IFTAP: variants seen among roughly 807,000 people sequenced by gnomAD.
The protein encoded by IFTAP is intraflagellar transport-associated protein.
Under a neutral mutation model 19.4 loss-of-function variants are expected in IFTAP, and 19 were observed. That is an observed-to-expected ratio of 0.98 (90% CI 0.68 to 1.44). The LOEUF (loss-of-function observed/expected upper bound fraction) is 1.44. Ranked by LOEUF, IFTAP falls within the 40% of genes most tolerant of loss-of-function variation. The pLI, the probability that IFTAP is intolerant of heterozygous loss-of-function variation, is 0.00. For missense variants in IFTAP, 240 were observed against 253.6 expected (o/e 0.95, Z 0.36); for synonymous variants, 85 against 83.5 (o/e 1.02, Z -0.10).
At chr11:36,635,156 G>A (rs1286236468) in intron 3 of IFTAP, among the ~76,000 whole-genome samples, 1 of 152,142 alleles carries the variant, frequency 6.6e-6, no homozygotes, top group African/African-American at 2.4e-5. Context: ...GACCCAGCCT[G>A]TCTTTTGAAT....
chr11:36,658,906 T>A (rs560150678), intron 5 of IFTAP, 113 bp from the exon 6 acceptor site: 154 of 721,832 alleles, frequency 2.1e-4, no homozygotes, highest in Middle Eastern at 1.6e-3. Flanking sequence ...CAGCTGAGAG[T>A]GCTGAAGTCT....
intron 2 of IFTAP, among the ~76,000 whole-genome samples, chr11:36,626,944 A>C (rs1852537948): frequency 6.6e-6 from 1 of 151,172 alleles, no homozygotes; most frequent in African/African-American, 2.5e-5. Flanking sequence ...AAACACTCCA[A>C]ATGTTTATCA....
chr11:36,652,645 A>G (rs932392239), intron 5 of IFTAP, among the ~76,000 whole-genome samples: 24 of 152,078 alleles, frequency 1.6e-4, no homozygotes, highest in African/African-American at 5.8e-4. Flanking sequence ...TTCAAAGGGA[A>G]CGCTTCCAGT....
At chr11:36,647,594 A>G (rs750103026) in intron 4 of IFTAP, among the ~76,000 whole-genome samples, 1 of 152,130 alleles carries the variant, frequency 6.6e-6, no homozygotes, top group African/African-American at 2.4e-5. Context: ...TATTTTTGAA[A>G]TATTGCCATA....
chr11:36,630,123 G>A (rs1852674434), intron 2 of IFTAP, among the ~76,000 whole-genome samples: 1 of 151,312 alleles, frequency 6.6e-6, no homozygotes, highest in African/African-American at 2.5e-5. Flanking sequence ...ATAGGAAGTG[G>A]CATCTGGCTC....
rs150763515 is a variant in IFTAP at position 36,627,541 on chromosome 11, G to A, written c.137-5743G>A. Reference sequence around the variant, plus strand: ...TTGTGCATAGACTTGTAAGTTTAACGTAGAAAAGGGCTGTGGTGCAAAAAA... The same window carrying A: ...TTGTGCATAGACTTGTAAGTTTAACATAGAAAAGGGCTGTGGTGCAAAAAA... On this transcript the variant is annotated intron_variant, in intron 2 of 5. Coordinates refer to ENST00000334307, the MANE Select transcript of IFTAP (RefSeq NM_138787.4). 2.1e-4 allele frequency among the ~76,000 whole-genome samples: 32 copies of A among 151,304 alleles called. No homozygotes were observed. The East Asian group carries it at 5.8e-3, about 27-fold the overall frequency.
At chr11:36,650,629 T>C (rs1481091694) in intron 5 of IFTAP, among the ~76,000 whole-genome samples, 3 of 151,866 alleles carry the variant, frequency 2.0e-5, no homozygotes, top group Non-Finnish European at 2.9e-5. Context: ...GTTTGTTACA[T>C]ATGTATACAT....
At chr11:36,624,772 G>A (rs111581349) in intron 2 of IFTAP, among the ~76,000 whole-genome samples, 499 of 152,262 alleles carry the variant, frequency 3.3e-3, no homozygotes, top group African/African-American at 0.011. Context: ...ACCATGTGGA[G>A]AAGGTTGGTG....
intron 1 of IFTAP, among the ~76,000 whole-genome samples, chr11:36,607,100 C>T (rs1372459157): frequency 6.6e-6 from 1 of 152,188 alleles, no homozygotes. Flanking sequence ...TCCTCTACAA[C>T]TCTATGCTTT....
At chr11:36,638,152 C>T (rs1027661131) in intron 4 of IFTAP, among the ~76,000 whole-genome samples, 2 of 151,724 alleles carry the variant, frequency 1.3e-5, no homozygotes, top group African/African-American at 4.9e-5. Flanking sequence ...CCCGCCCCAC[C>T]GCCCGCCCGA....
chr11:36,612,562 T>C (rs993338821), intron 2 of IFTAP, among the ~76,000 whole-genome samples: 2 of 152,076 alleles, frequency 1.3e-5, no homozygotes, highest in East Asian at 1.9e-4. Context: ...CTATTTTCCC[T>C]GCTTCTTTCC....
chr11:36,637,885 C>CTT (rs11322653), intron 4 of IFTAP, among the ~76,000 whole-genome samples: 16,519 of 145,712 alleles, frequency 0.11, 1,105 homozygotes, highest in African/African-American at 0.17. Flanking sequence ...TTATGTCAAT[C>CTT]TTTTTTTTTT....
intron 2 of IFTAP, among the ~76,000 whole-genome samples, chr11:36,618,350 G>A (rs1370366148): frequency 2.0e-5 from 3 of 151,950 alleles, no homozygotes; most frequent in African/African-American, 4.8e-5. Context: ...TCTGCCTTCC[G>A]TAGGGCATCG....
At chr11:36,645,895 G>A (rs1426687616) in intron 4 of IFTAP, among the ~76,000 whole-genome samples, 1 of 152,126 alleles carries the variant, frequency 6.6e-6, no homozygotes, top group African/African-American at 2.4e-5. Context: ...AAAAGTTGAG[G>A]TGTACAAAAT....
chr11:36,635,115 A>G (rs1022167120), intron 3 of IFTAP, among the ~76,000 whole-genome samples: 3 of 152,162 alleles, frequency 2.0e-5, no homozygotes, highest in African/African-American at 7.2e-5. Flanking sequence ...TGTAATAGCT[A>G]TGGTCTCGCA....
At chr11:36,635,023 A>G (rs941169345) in intron 3 of IFTAP, among the ~76,000 whole-genome samples, 18 of 152,196 alleles carry the variant, frequency 1.2e-4, no homozygotes, top group African/African-American at 4.1e-4. Flanking sequence ...TGTGGAAGAT[A>G]AATTTTTGCC....
At chr11:36,644,835 C>T (rs1040139609) in intron 4 of IFTAP, among the ~76,000 whole-genome samples, 4 of 122,322 alleles carry the variant, frequency 3.3e-5, no homozygotes, top group African/African-American at 1.3e-4. Flanking sequence ...GAACATCACA[C>T]ACTGGGGTCT....
chr11:36,605,410 A>G (rs1213155405), intron 1 of IFTAP, among the ~76,000 whole-genome samples: 12 of 151,884 alleles, frequency 7.9e-5, no homozygotes, highest in Non-Finnish European at 1.6e-4. Flanking sequence ...TGAAAGTTGC[A>G]TTTTGTTTGA....
chr11:36,611,899 C>A (rs1296314949), intron 2 of IFTAP, among the ~76,000 whole-genome samples: 1 of 151,722 alleles, frequency 6.6e-6, no homozygotes, highest in East Asian at 1.9e-4. Flanking sequence ...TTTTCTGGAC[C>A]CAAACAGCAA....
Sources: allele counts gnomAD v4.1 joint callset (sites outside exome capture counted in the v4.1 genomes callset), GRCh38; gene constraint gnomAD v4.1.1; transcripts MANE v1.5; gene names NCBI Gene and HGNC (gene_info 2026-07-23, HGNC 2026-07-21).